Variants in LYPLA1 observed in about 807,000 individuals in gnomAD.
The protein encoded by LYPLA1 is acyl-protein thioesterase 1.
A neutral mutation model predicts 34.0 loss-of-function variants in LYPLA1; 17 were observed. That is an observed-to-expected ratio of 0.50 (90% CI 0.34 to 0.75). The LOEUF (loss-of-function observed/expected upper bound fraction) is 0.75. LYPLA1 is among the 30% of genes least tolerant of loss of function. LYPLA1 has a pLI of 0.01. For missense variants in LYPLA1, 203 were observed against 288.8 expected (o/e 0.70, Z 2.15); for synonymous variants, 98 against 100.8 (o/e 0.97, Z 0.17).
intron 4 of LYPLA1, 31 bp from the exon 5 acceptor site, chr8:54,062,355 A>G: frequency 1.4e-6 from 2 of 1,432,746 alleles, no homozygotes. Context: ...TTTTGATTCT[A>G]AGAAAAATCT....
rs537177334 is a variant in LYPLA1 at position 54,066,785 on chromosome 8, AAAAAG to A, written c.102-977_102-973del. Reference sequence around the variant, plus strand: ...AACAGAGCGAGACTCCATCTCAAAAAAAAAGAAAAGAAAAAAAAGAAAAAGAAAAA... The same window carrying A: ...AACAGAGCGAGACTCCATCTCAAAAAAAAAGAAAAAAAAGAAAAAGAAAAA... On this transcript the variant is annotated intron_variant, in intron 2 of 8. Coordinates refer to ENST00000316963, the MANE Select transcript of LYPLA1 (RefSeq NM_006330.4). 2.1e-3 allele frequency among the ~76,000 whole-genome samples: 312 copies of A among 150,048 alleles called. 1 individual carries two copies. The highest frequency in any genetic ancestry group is 7.2e-3 in the African/African-American group (296 of 40,910).
chr8:54,101,941 C>T lies in LYPLA1; in HGVS notation c.-118G>A, dbSNP rs1243603930. ...CCGGGCGCACGCTCAGGCGCGTGCG[C>T]GCCAACGCGGCCCCGCGCTACCTTC... On this transcript the variant is annotated 5_prime_UTR_variant, in exon 1 of 9. Coordinates refer to ENST00000316963, the MANE Select transcript of LYPLA1 (RefSeq NM_006330.4). The T allele has an allele frequency of 1.7e-5, 7 of 402,188 alleles. No homozygotes were observed. Among genetic ancestry groups the T allele is most frequent in the Non-Finnish European group, 2.5e-5 (7 of 279,206 alleles). The allele number at this position is 402,188 out of a possible 1,614,324, so 24.9% of individuals were successfully genotyped here.
intron 2 of LYPLA1, among the ~76,000 whole-genome samples, chr8:54,093,118 G>A (rs953768132): frequency 2.0e-5 from 3 of 152,186 alleles, no homozygotes; most frequent in Non-Finnish European, 2.9e-5. Flanking sequence ...AGCTAGGATC[G>A]TTCACTTGTG....
At chr8:54,054,981 C>T (rs1343034816) in intron 6 of LYPLA1, 79 bp downstream of exon 6, 2 of 840,140 alleles carry the variant, frequency 2.4e-6, no homozygotes, top group Admixed American at 2.3e-5. Context: ...AAAAAGACTA[C>T]TCTATAGAAA....
chr8:54,087,368 C>T (rs996498888), intron 2 of LYPLA1, among the ~76,000 whole-genome samples: 1 of 152,194 alleles, frequency 6.6e-6, no homozygotes, highest in Non-Finnish European at 1.5e-5. Flanking sequence ...CATGGCAGGG[C>T]ATGCCTGTAA....
At chr8:54,094,721 C>G (rs971526406) in intron 2 of LYPLA1, among the ~76,000 whole-genome samples, 6 of 152,098 alleles carry the variant, frequency 3.9e-5, no homozygotes, top group African/African-American at 1.4e-4. Flanking sequence ...AGGACTAGAG[C>G]AGGAAACATA....
intron 2 of LYPLA1, among the ~76,000 whole-genome samples, 168 bp from the exon 3 acceptor site, chr8:54,065,981 G>C (rs1807037441): frequency 6.6e-6 from 1 of 152,160 alleles, no homozygotes; most frequent in East Asian, 1.9e-4. Context: ...CTGTCGCCCA[G>C]GCTGGAGTAC....
At chr8:54,081,663 C>T (rs376134262) in intron 2 of LYPLA1, among the ~76,000 whole-genome samples, 3 of 152,140 alleles carry the variant, frequency 2.0e-5, no homozygotes, top group East Asian at 3.9e-4. Flanking sequence ...GATCTGCCCA[C>T]CTTGGCCTCC....
intron 2 of LYPLA1, 158 bp downstream of exon 2, chr8:54,100,750 G>C (rs1231378771): frequency 3.1e-6 from 2 of 635,484 alleles, no homozygotes; most frequent in African/African-American, 3.8e-5. Context: ...AAAATTCTGA[G>C]GGTTTTCAAA....
At chr8:54,085,108 C>G (rs1808614823) in intron 2 of LYPLA1, among the ~76,000 whole-genome samples, 1 of 152,210 alleles carries the variant, frequency 6.6e-6, no homozygotes, top group African/African-American at 2.4e-5. Flanking sequence ...CTGCCTGATT[C>G]TCCTGCCTCA....
intron 2 of LYPLA1, among the ~76,000 whole-genome samples, chr8:54,094,894 T>C (rs1809566966): frequency 1.3e-5 from 2 of 152,214 alleles, no homozygotes; most frequent in African/African-American, 4.8e-5. Flanking sequence ...ATTGTTATCC[T>C]CTGAATACAA....
chr8:54,081,074 T>G (rs548460582), intron 2 of LYPLA1, among the ~76,000 whole-genome samples: 14 of 152,308 alleles, frequency 9.2e-5, no homozygotes, highest in African/African-American at 3.4e-4. Flanking sequence ...AGCTTTAAGG[T>G]ATGGACTTTA....
chr8:54,050,322 C>G (rs1003550697), intron 8 of LYPLA1, among the ~76,000 whole-genome samples: 5 of 152,150 alleles, frequency 3.3e-5, no homozygotes, highest in South Asian at 2.1e-4. Flanking sequence ...GGTTACTACA[C>G]CCCACATAAT....
intron 2 of LYPLA1, among the ~76,000 whole-genome samples, chr8:54,071,664 A>C (rs1314564647): frequency 1.3e-5 from 2 of 152,314 alleles, no homozygotes; most frequent in Non-Finnish European, 2.9e-5. Flanking sequence ...AATACCTAGG[A>C]ATACAGCTAA....
chr8:54,076,000 G>T (rs1457247169), intron 2 of LYPLA1, among the ~76,000 whole-genome samples: 1 of 152,168 alleles, frequency 6.6e-6, no homozygotes, highest in African/African-American at 2.4e-5. Flanking sequence ...ATGTTCAGGT[G>T]ATCTGAACAA....
intron 5 of LYPLA1, among the ~76,000 whole-genome samples, chr8:54,060,010 G>C (rs1375285485): frequency 6.6e-6 from 1 of 152,088 alleles, no homozygotes; most frequent in African/African-American, 2.4e-5. Flanking sequence ...CCACACTCAA[G>C]AGTCACCAAC....
At chr8:54,091,305 C>T (rs1261984383) in intron 2 of LYPLA1, among the ~76,000 whole-genome samples, 2 of 151,798 alleles carry the variant, frequency 1.3e-5, no homozygotes, top group East Asian at 2.0e-4. Flanking sequence ...CTGGCCAACA[C>T]GGTGAAACCC....
At chr8:54,059,346 G>A (rs1265078319) in intron 5 of LYPLA1, among the ~76,000 whole-genome samples, 2 of 70,956 alleles carry the variant, frequency 2.8e-5, no homozygotes, top group African/African-American at 1.5e-4. Flanking sequence ...TGCCCAGGCC[G>A]GACTGCGGAC....
At chr8:54,091,304 A>G (rs1199761708) in intron 2 of LYPLA1, among the ~76,000 whole-genome samples, 1 of 152,030 alleles carries the variant, frequency 6.6e-6, no homozygotes, top group African/African-American at 2.4e-5. Context: ...CCTGGCCAAC[A>G]CGGTGAAACC....
Sources: gnomAD v4.1 joint callset for allele counts (sites outside exome capture counted in the v4.1 genomes callset) on GRCh38, gnomAD v4.1.1 for gene constraint, MANE v1.5 for transcripts, NCBI Gene and HGNC (gene_info 2026-07-23, HGNC 2026-07-21) for gene names.